Variants in NYAP2 observed in about 807,000 individuals in gnomAD.
The protein encoded by NYAP2 is neuronal tyrosine-phosphorylated phosphoinositide-3-kinase adapter 2.
Under a neutral mutation model 50.4 loss-of-function variants are expected in NYAP2, and 23 were observed. The ratio of observed to expected loss-of-function variants is 0.46; its 90% confidence interval spans 0.33 to 0.65. The LOEUF (loss-of-function observed/expected upper bound fraction) is 0.65. Among genes scored for constraint, NYAP2 ranks in the 30% least tolerant of loss-of-function variants. The probability of loss-of-function intolerance (pLI) is 0.02; values close to 1 mark genes in which losing one functional copy is unlikely to be tolerated. For missense variants in NYAP2, 885 were observed against 861.0 expected (o/e 1.03, Z -0.35); for synonymous variants, 394 against 365.2 (o/e 1.08, Z -0.90).
At chr2:225,525,788 G>C (rs1417008507) in intron 4 of NYAP2, among the ~76,000 whole-genome samples, 1 of 152,176 alleles carries the variant, frequency 6.6e-6, no homozygotes, top group Non-Finnish European at 1.5e-5. Flanking sequence ...TTTTCTCTCT[G>C]TAAGATGGAA....
intron 6 of NYAP2, among the ~76,000 whole-genome samples, chr2:225,640,965 G>A (rs1693517091): frequency 1.3e-5 from 2 of 152,130 alleles, no homozygotes; most frequent in Non-Finnish European, 2.9e-5. Context: ...TTCTATTGGG[G>A]AAAACAATTA....
At chr2:225,423,803 A>G (rs1483744673) in intron 3 of NYAP2, among the ~76,000 whole-genome samples, 1 of 152,162 alleles carries the variant, frequency 6.6e-6, no homozygotes, top group Non-Finnish European at 1.5e-5. Flanking sequence ...TAAGAATGCA[A>G]CGTATTCTGG....
Position 225,445,805 on chromosome 2 carries a change from T to C in NYAP2, c.221+36704T>C, listed in dbSNP as rs150719227. 7.0e-3 allele frequency among the ~76,000 whole-genome samples: 1,063 copies of C among 152,182 alleles called. 11 individuals carry two copies. Among genetic ancestry groups the C allele is most frequent in the African/African-American group, 0.024 (993 of 41,544 alleles). ...AAGAAGAAATTAAATTCAAAATATT[T>C]TAACTATAGAAGTGTATAGATATAT... is the stretch of plus-strand genomic sequence containing the variant. On this transcript the variant is annotated intron_variant, in intron 3 of 6. Coordinates refer to ENST00000636099, the Ensembl canonical transcript of NYAP2.
intron 4 of NYAP2, among the ~76,000 whole-genome samples, chr2:225,549,834 T>A (rs1237118541): frequency 1.3e-5 from 2 of 151,846 alleles, no homozygotes; most frequent in East Asian, 3.9e-4. Context: ...AAAATACAAA[T>A]ATTAGCTGGG....
intron 5 of NYAP2, among the ~76,000 whole-genome samples, chr2:225,587,975 A>G (rs970936421): frequency 1.6e-4 from 25 of 152,084 alleles, no homozygotes; most frequent in Non-Finnish European, 3.5e-4. Flanking sequence ...CCCATGCTGG[A>G]GTGCAGTGGT....
intron 2 of NYAP2, among the ~76,000 whole-genome samples, chr2:225,406,703 C>G (rs1414194841): frequency 2.6e-5 from 4 of 151,862 alleles, no homozygotes; most frequent in Non-Finnish European, 4.4e-5. Flanking sequence ...AAAATTTGAT[C>G]TCCTTTTTGT....
At chr2:225,619,586 A>C (rs1183568594) in intron 5 of NYAP2, among the ~76,000 whole-genome samples, 1 of 152,172 alleles carries the variant, frequency 6.6e-6, no homozygotes, top group Non-Finnish European at 1.5e-5. Context: ...CCAGGAAACC[A>C]AGTCTTCCTA....
In NYAP2 at chr2:225,400,880, G is replaced by A. The variant is rs1222376032; in HGVS notation, c.-181G>A. 4 of 152,458 alleles carry A rather than the reference G, an allele frequency of 2.6e-5. No homozygotes were observed. Among genetic ancestry groups the A allele is most frequent in the Non-Finnish European group, 5.9e-5 (4 of 67,972 alleles). The allele number at this position is 152,458 out of a possible 1,614,324, so 9.4% of individuals were successfully genotyped here. On this transcript the variant is annotated 5_prime_UTR_variant, in exon 2 of 7. It removes an upstream start codon present in the reference 5' UTR. Coordinates refer to ENST00000636099, the Ensembl canonical transcript of NYAP2. ...GACACTTTTCCCATCCAGACACAAT[G>A]CACTTTAATTGAAGAAACACTGAGC...
chr2:225,617,339 G>C lies in NYAP2; in HGVS notation c.1619-9578G>C, dbSNP rs1485454465. ...AGCTACTAGGGAGGCTGAGGCAGGA[G>C]AATTGCTTGAACCCGGGAGATGGAG... is the stretch of plus-strand genomic sequence containing the variant. On this transcript the variant is annotated intron_variant, in intron 5 of 6. Coordinates refer to ENST00000636099, the Ensembl canonical transcript of NYAP2. Among the ~76,000 whole-genome samples the C allele has an allele frequency of 2.0e-5, 3 of 152,096 alleles. No homozygotes were observed. In the East Asian group the frequency reaches 5.8e-4, roughly 29 times the overall value.
chr2:225,488,695 GC>G, intron 3 of NYAP2, among the ~76,000 whole-genome samples: 1 of 152,272 alleles, frequency 6.6e-6, no homozygotes, highest in South Asian at 2.1e-4. Context: ...TTAGGCATGA[GC>G]CACCACATCC....
intron 3 of NYAP2, among the ~76,000 whole-genome samples, chr2:225,426,357 T>C (rs1695287976): frequency 6.6e-6 from 1 of 152,124 alleles, no homozygotes; most frequent in Admixed American, 6.6e-5. Flanking sequence ...AATAAATGAC[T>C]TTAGACTCAA....
At chr2:225,434,179 T>C (rs1010051525) in intron 3 of NYAP2, among the ~76,000 whole-genome samples, 12 of 152,144 alleles carry the variant, frequency 7.9e-5, no homozygotes, top group African/African-American at 2.9e-4. Context: ...AGACCAGTAC[T>C]CTGGAGCTGC....
At chr2:225,422,108 G>A (rs754520300) in intron 3 of NYAP2, among the ~76,000 whole-genome samples, 1 of 151,638 alleles carries the variant, frequency 6.6e-6, no homozygotes, top group Admixed American at 6.6e-5. Context: ...TGTTCAGTTT[G>A]CTAGCAATTA....
intron 3 of NYAP2, among the ~76,000 whole-genome samples, chr2:225,427,313 C>A (rs1279120578): frequency 6.6e-6 from 1 of 152,220 alleles, no homozygotes; most frequent in African/African-American, 2.4e-5. Flanking sequence ...AAGTGAGATA[C>A]AAATAATGAC....
At chr2:225,418,906 G>A (rs1695168765) in intron 3 of NYAP2, among the ~76,000 whole-genome samples, 1 of 152,102 alleles carries the variant, frequency 6.6e-6, no homozygotes, top group Non-Finnish European at 1.5e-5. Flanking sequence ...CATCACACAT[G>A]AGATCTATTC....
the NYAP2 span, among the ~76,000 whole-genome samples, chr2:225,686,833 G>A: frequency 1.3e-5 from 2 of 152,028 alleles, no homozygotes; most frequent in African/African-American, 2.4e-5. Context: ...TAATGAAGAC[G>A]AAGACAATGG....
chr2:225,672,971 G>GTTATA, the NYAP2 span, among the ~76,000 whole-genome samples: 2 of 151,672 alleles, frequency 1.3e-5, no homozygotes, highest in Non-Finnish European at 2.9e-5. Context: ...TAATGTTTTA[G>GTTATA]TCTGTTCTCA....
At chr2:225,427,335 C>T (rs1322181426) in intron 3 of NYAP2, among the ~76,000 whole-genome samples, 1 of 152,226 alleles carries the variant, frequency 6.6e-6, no homozygotes, top group Non-Finnish European at 1.5e-5. Flanking sequence ...CTTCATCAAA[C>T]TGTGTAATTT....
intron 4 of NYAP2, among the ~76,000 whole-genome samples, chr2:225,517,057 G>A (rs1342050041): frequency 6.6e-6 from 1 of 151,462 alleles, no homozygotes; most frequent in Non-Finnish European, 1.5e-5. Flanking sequence ...AAATAAAACT[G>A]TTGAGCACAA....
Sources: allele counts gnomAD v4.1 joint callset (sites outside exome capture counted in the v4.1 genomes callset), GRCh38; gene constraint gnomAD v4.1.1; transcripts MANE v1.5; gene names NCBI Gene and HGNC (gene_info 2026-07-23, HGNC 2026-07-21).